Variants in TANC2 observed in about 807,000 individuals in gnomAD.
The protein encoded by TANC2 is tetratricopeptide repeat, ankyrin repeat and coiled-coil containing 2, also known as protein TANC2.
TANC2 carries 26 observed loss-of-function variants against 210.5 expected under a neutral mutation model. The observed-to-expected ratio is 0.12, with a 90% CI of 0.09 to 0.17. The LOEUF (loss-of-function observed/expected upper bound fraction) is 0.17, where lower values mean the gene tolerates loss of function less well. Among genes scored for constraint, TANC2 ranks in the 10% least tolerant of loss-of-function variants. The probability of loss-of-function intolerance (pLI) is 1.00; values close to 1 mark genes in which losing one functional copy is unlikely to be tolerated. For missense variants in TANC2, 2,129 were observed against 2,608.9 expected, an observed-to-expected ratio of 0.82 and a Z score of 4.01; for synonymous variants, 931 against 967.1, an observed-to-expected ratio of 0.96 and a Z score of 0.69.
chr17:63,364,807 G>A (rs1321039993), intron 14 of TANC2, among the ~76,000 whole-genome samples: 1 of 151,700 alleles, frequency 6.6e-6, no homozygotes, highest in Non-Finnish European at 1.5e-5. Flanking sequence ...AAAAATTACA[G>A]AACAGCCAAC....
intron 7 of TANC2, among the ~76,000 whole-genome samples, chr17:63,209,071 T>C (rs1190214435): frequency 6.6e-6 from 1 of 152,130 alleles, no homozygotes; most frequent in East Asian, 1.9e-4. Context: ...AGTGTTGCAA[T>C]CTTAGCTCAC....
intron 7 of TANC2, among the ~76,000 whole-genome samples, chr17:63,203,254 A>G (rs1009662039): frequency 6.6e-6 from 1 of 152,158 alleles, no homozygotes. Context: ...AAGTTTTTTA[A>G]AATATAAATT....
In TANC2 at chr17:63,077,369, C is replaced by T. The variant is rs1226756690; in HGVS notation, c.139+3355C>T. Among the ~76,000 whole-genome samples, 5 of 152,054 alleles carry T rather than the reference C, an allele frequency of 3.3e-5. No individual in the cohort carries two copies. In the East Asian group the frequency reaches 9.6e-4, roughly 29 times the overall value. On this transcript the variant is annotated intron_variant, in intron 3 of 27. Coordinates refer to ENST00000689528, the Ensembl canonical transcript of TANC2. ...TAAGGAATCTGTTGGAGGATGTGATCCATCAAATGAAAAAGTCAGCCAAAT... is the reference window on the plus strand; with the variant it reads ...TAAGGAATCTGTTGGAGGATGTGATTCATCAAATGAAAAAGTCAGCCAAAT...
intron 11 of TANC2, among the ~76,000 whole-genome samples, chr17:63,339,262 TC>T (rs1210071724): frequency 2.0e-5 from 3 of 152,178 alleles, no homozygotes; most frequent in Admixed American, 6.5e-5. Flanking sequence ...CACAGTCCAA[TC>T]CCTTTTCTGG....
intron 3 of TANC2, among the ~76,000 whole-genome samples, chr17:63,085,830 G>A (rs1198611542): frequency 2.0e-5 from 3 of 152,008 alleles, no homozygotes; most frequent in Non-Finnish European, 2.9e-5. Context: ...TTATCTTCAC[G>A]TATTCATTCT....
chr17:63,136,588 C>T (rs567002444), intron 4 of TANC2, among the ~76,000 whole-genome samples: 1 of 152,142 alleles, frequency 6.6e-6, no homozygotes, highest in Non-Finnish European at 1.5e-5. Context: ...ATAAAACAGA[C>T]AAAGGCTCTA....
intron 1 of TANC2, among the ~76,000 whole-genome samples, chr17:62,977,633 C>T (rs371932740): frequency 9.9e-5 from 15 of 152,038 alleles, no homozygotes; most frequent in African/African-American, 3.6e-4. Context: ...TAACATTCTA[C>T]CTATTTTTTT....
At chr17:63,236,677 A>G (rs2042629811) in intron 7 of TANC2, among the ~76,000 whole-genome samples, 1 of 152,036 alleles carries the variant, frequency 6.6e-6, no homozygotes. Context: ...CAGAGGCTCC[A>G]TTGTCCGTCA....
rs749216755 is a variant in TANC2, at chr17:63,194,139, G to A, written c.582G>A (p.Gln194=). The change falls in exon 6 of 28, where the codon CAG becomes CAA. Residue 194 remains glutamine (Q), a splice_region_variant and synonymous_variant. Transcript: ENST00000689528. ...GCATGGAAGTACAGGATGAAAATCA[G>A]GTAAGCTGTTTGCTATCACCTTTGT... 2.5e-6 allele frequency: 4 copies of A among 1,611,702 alleles called. No homozygotes were observed. The East Asian group carries it at 6.7e-5, about 27-fold the overall frequency.
At chr17:63,342,069 C>G (rs1320212385) in intron 12 of TANC2, among the ~76,000 whole-genome samples, 1 of 152,138 alleles carries the variant, frequency 6.6e-6, no homozygotes, top group Non-Finnish European at 1.5e-5. Flanking sequence ...TATCAAGGAC[C>G]AGCTTAAATG....
exon 8 of TANC2, chr17:63,238,053 A>T: frequency 6.5e-7 from 1 of 1,534,944 alleles, no homozygotes; most frequent in Non-Finnish European, 8.8e-7. Flanking sequence ...TTTGTATCTC[A>T]TGCCACGGCC....
chr17:63,367,038 T>C (rs1354336459), intron 14 of TANC2, among the ~76,000 whole-genome samples: 12 of 152,276 alleles, frequency 7.9e-5, no homozygotes, highest in Non-Finnish European at 1.8e-4. Flanking sequence ...TTGAGTCATA[T>C]GCACACTCAT....
intron 9 of TANC2, among the ~76,000 whole-genome samples, chr17:63,291,978 A>G (rs1254174397): frequency 1.3e-5 from 2 of 152,224 alleles, no homozygotes; most frequent in Non-Finnish European, 2.9e-5. Flanking sequence ...ATCTTGGAAG[A>G]CCAGACAGAT....
chr17:63,035,432 C>G (rs1397157607), intron 2 of TANC2, among the ~76,000 whole-genome samples: 1 of 152,172 alleles, frequency 6.6e-6, no homozygotes, highest in Non-Finnish European at 1.5e-5. Flanking sequence ...ACGGAACCAG[C>G]AAAATCTCTG....
chr17:63,088,069 G>T (rs1227182971), intron 3 of TANC2: 1 of 152,114 alleles, frequency 6.6e-6, no homozygotes, highest in African/African-American at 2.4e-5. Flanking sequence ...ACGAGGTAGG[G>T]TATGCGTACT....
At chr17:63,291,557 A>G (rs2044384212) in intron 9 of TANC2, among the ~76,000 whole-genome samples, 1 of 152,214 alleles carries the variant, frequency 6.6e-6, no homozygotes, top group African/African-American at 2.4e-5. Context: ...GTAGCAGTGT[A>G]GGGATGGACA....
chr17:63,295,911 C>T (rs964627566), intron 9 of TANC2, among the ~76,000 whole-genome samples: 1 of 152,124 alleles, frequency 6.6e-6, no homozygotes, highest in African/African-American at 2.4e-5. Flanking sequence ...TGAGGCAGTC[C>T]TGGGTGAGGT....
intron 9 of TANC2, among the ~76,000 whole-genome samples, chr17:63,285,039 C>T (rs1314342846): frequency 6.6e-6 from 1 of 151,970 alleles, no homozygotes; most frequent in African/African-American, 2.4e-5. Context: ...ATAATAAAAA[C>T]CACTCCACCT....
Position 63,314,374 on chromosome 17 carries a change from CTT to C in TANC2, c.1160-13_1160-12del. 1.2e-6 allele frequency: 2 copies of C among 1,612,174 alleles called. No individual in the cohort carries two copies. Among genetic ancestry groups the C allele is most frequent in the East Asian group, 4.5e-5 (2 of 44,840 alleles). On this transcript the variant is annotated splice_polypyrimidine_tract_variant and intron_variant, in intron 9 of 27. Transcript: ENST00000689528. The stretch of plus-strand genomic sequence containing the variant: ...CAGTTTGACCTAAGTTCTGCATTCT[CTT>C]GTTCCTTTCAGTTCGCTTTGCACCT...
Sources: gnomAD v4.1 joint callset for allele counts (sites outside exome capture counted in the v4.1 genomes callset) on GRCh38, gnomAD v4.1.1 for gene constraint, MANE v1.5 for transcripts, NCBI Gene and HGNC (gene_info 2026-07-23, HGNC 2026-07-21) for gene names.